PLCL2: variants seen among roughly 807,000 people sequenced by gnomAD.
The protein encoded by PLCL2 is inactive phospholipase C-like protein 2.
A neutral mutation model predicts 79.6 loss-of-function variants in PLCL2; 4 were observed. The ratio of observed to expected loss-of-function variants is 0.05; its 90% CI spans 0.02 to 0.11. PLCL2 has a LOEUF of 0.11. Ranked by LOEUF, PLCL2 falls within the 10% of genes least tolerant of loss-of-function variation. PLCL2 has a pLI of 1.00. For synonymous variants in PLCL2, 484 were observed against 457.7 expected (o/e 1.06, Z -0.73); for missense variants, 895 against 1,291.0 (o/e 0.69, Z 4.70).
At chr3:16,911,183 G>GC in intron 1 of PLCL2, among the ~76,000 whole-genome samples, 1 of 151,444 alleles carries the variant, frequency 6.6e-6, no homozygotes, top group South Asian at 2.1e-4. Flanking sequence ...AACCCGGGGG[G>GC]CGGAGGTTGT....
chr3:17,029,722 A>G (rs1055991417), intron 3 of PLCL2, among the ~76,000 whole-genome samples: 4 of 151,948 alleles, frequency 2.6e-5, no homozygotes, highest in Admixed American at 2.6e-4. Context: ...ACAGGCCCCC[A>G]CTCTCCAACA....
At chr3:17,065,375 T>C (rs1056082648) in intron 4 of PLCL2, among the ~76,000 whole-genome samples, 1 of 152,230 alleles carries the variant, frequency 6.6e-6, no homozygotes, top group Non-Finnish European at 1.5e-5. Context: ...CAGCCTGTTC[T>C]GTAACAGCCT....
chr3:16,994,513 ACCTCTAAG>A lies in PLCL2; in HGVS notation c.328-15160_328-15153del, dbSNP rs11277850. On this transcript the variant is annotated intron_variant, in intron 1 of 5. Transcript: ENST00000615277. ...AGGAAATCTTTCATTTGCATATAAC[ACCTCTAAG>A]TAGAAAAGCAGTGGATTTGAGATTT... Among the ~76,000 whole-genome samples, 1,131 of 152,252 alleles carry A rather than the reference ACCTCTAAG, an allele frequency of 7.4e-3. 17 individuals are homozygous for A. Among genetic ancestry groups the A allele is most frequent in the African/African-American group, 0.026 (1,081 of 41,538 alleles).
chr3:17,035,959 TA>T (rs1158745037), intron 3 of PLCL2, among the ~76,000 whole-genome samples: 2 of 152,306 alleles, frequency 1.3e-5, no homozygotes, highest in African/African-American at 4.8e-5. Context: ...AACTTTCTTT[TA>T]TATAGGGTTT....
At chr3:17,077,103 G>T (rs2065116092) in intron 5 of PLCL2, among the ~76,000 whole-genome samples, 1 of 152,140 alleles carries the variant, frequency 6.6e-6, no homozygotes, top group South Asian at 2.1e-4. Context: ...TGGGACTGCT[G>T]GGCTCTGTTT....
intron 5 of PLCL2, among the ~76,000 whole-genome samples, chr3:17,086,541 A>G (rs1191260783): frequency 2.0e-5 from 3 of 152,238 alleles, no homozygotes; most frequent in Non-Finnish European, 4.4e-5. Context: ...TTTTTCAGAT[A>G]CACCACCATA....
At chr3:17,055,895 T>C (rs1429075458) in intron 4 of PLCL2, among the ~76,000 whole-genome samples, 2 of 152,160 alleles carry the variant, frequency 1.3e-5, no homozygotes, top group East Asian at 1.9e-4. Context: ...CAAAATTATC[T>C]TTCTAGAGCA....
intron 1 of PLCL2, among the ~76,000 whole-genome samples, chr3:16,955,954 T>C (rs1015582460): frequency 4.6e-4 from 70 of 152,328 alleles, no homozygotes; most frequent in Non-Finnish European, 8.4e-4. Flanking sequence ...TTTCGAGATA[T>C]ACAATCATGT....
intron 5 of PLCL2, among the ~76,000 whole-genome samples, chr3:17,071,310 CTAGTT>C (rs1559539500): frequency 6.6e-6 from 1 of 151,950 alleles, no homozygotes; most frequent in Non-Finnish European, 1.5e-5. Context: ...CTTTACTTGC[CTAGTT>C]TAGTTTTTTT....
chr3:17,013,719 C>G (rs964631810), intron 2 of PLCL2, among the ~76,000 whole-genome samples: 1 of 152,246 alleles, frequency 6.6e-6, no homozygotes, highest in African/African-American at 2.4e-5. Context: ...TCCACCCCCT[C>G]TGCCCGCATG....
Position 17,090,021 on chromosome 3 carries a change from G to A in PLCL2, c.*109G>A. The A allele has an allele frequency of 7.0e-7, 1 of 1,425,800 alleles. No homozygotes were observed. The highest frequency in any genetic ancestry group is 9.2e-7 in the Non-Finnish European group (1 of 1,085,328). The allele number at this position is 1,425,800 out of a possible 1,614,324, so 88.3% of individuals were successfully genotyped here. A position where few individuals can be genotyped will look rare whatever the true frequency, so the allele number is the denominator to read the frequency against. On this transcript the variant is annotated 3_prime_UTR_variant, in exon 6 of 6. Transcript: ENST00000615277. Reference sequence around the variant, plus strand: ...TGAGAATAATATTCGGGATTTTAAAGCACAACTGGAATAGCTAATTACAGT... The same window carrying A: ...TGAGAATAATATTCGGGATTTTAAAACACAACTGGAATAGCTAATTACAGT...
At chr3:17,045,756 A>T (rs2124923626) in intron 4 of PLCL2, among the ~76,000 whole-genome samples, 1 of 152,308 alleles carries the variant, frequency 6.6e-6, no homozygotes, top group African/African-American at 2.4e-5. Context: ...ATTCAGGATG[A>T]AGGATGTGAG....
intron 3 of PLCL2, among the ~76,000 whole-genome samples, chr3:17,025,908 G>A (rs1472968346): frequency 1.3e-5 from 2 of 152,088 alleles, no homozygotes; most frequent in Admixed American, 6.6e-5. Context: ...AAGACTCACC[G>A]TCACCCTCAC....
chr3:16,910,390 AC>A (rs1488484475), intron 1 of PLCL2, among the ~76,000 whole-genome samples: 2 of 151,388 alleles, frequency 1.3e-5, no homozygotes, highest in Admixed American at 6.6e-5. Context: ...CCCTTACTTC[AC>A]CCGTCAGTAG....
intron 5 of PLCL2, among the ~76,000 whole-genome samples, chr3:17,074,275 A>C (rs917359156): frequency 6.6e-6 from 1 of 152,242 alleles, no homozygotes; most frequent in African/African-American, 2.4e-5. Flanking sequence ...GACCAGGTAC[A>C]TTGTTGATAT....
At chr3:17,079,026 GACC>G (rs940988048) in intron 5 of PLCL2, among the ~76,000 whole-genome samples, 2 of 152,112 alleles carry the variant, frequency 1.3e-5, no homozygotes, top group Admixed American at 1.3e-4. Context: ...CAAACATTGG[GACC>G]CCACTCATGT....
chr3:17,084,569 A>C (rs1461745489), intron 5 of PLCL2, among the ~76,000 whole-genome samples: 2 of 152,220 alleles, frequency 1.3e-5, no homozygotes, highest in Non-Finnish European at 2.9e-5. Context: ...GAATAAAAAG[A>C]ATTATTCACC....
At chr3:17,077,694 C>T (rs1408556228) in intron 5 of PLCL2, among the ~76,000 whole-genome samples, 1 of 152,154 alleles carries the variant, frequency 6.6e-6, no homozygotes, top group Admixed American at 6.5e-5. Flanking sequence ...TTTCATTGGT[C>T]TGTTTTGGTT....
At chr3:17,067,611 C>T (rs2065023028) in intron 4 of PLCL2, among the ~76,000 whole-genome samples, 1 of 152,148 alleles carries the variant, frequency 6.6e-6, no homozygotes, top group Admixed American at 6.5e-5. Context: ...GAGTCCAAGT[C>T]CAGATGCTGG....
Sources: allele counts gnomAD v4.1 joint callset (sites outside exome capture counted in the v4.1 genomes callset), GRCh38; gene constraint gnomAD v4.1.1; transcripts MANE v1.5; gene names NCBI Gene and HGNC (gene_info 2026-07-23, HGNC 2026-07-21).